The following SLC22A5 variants were observed in gnomAD, a reference collection of about 807,000 sequenced individuals.
SLC22A5 encodes solute carrier family 22 member 5, also known as organic cation/carnitine transporter 2.
In SLC22A5, 44 loss-of-function variants were observed where a neutral mutation model predicts 56.7. The observed-to-expected ratio is 0.78, with a 90% CI of 0.61 to 1.00. The LOEUF (loss-of-function observed/expected upper bound fraction) is 1.00. Among genes scored for constraint, SLC22A5 ranks in the 50% least tolerant of loss-of-function variants. The probability of loss-of-function intolerance (pLI) is 0.00; values close to 1 mark genes in which losing one functional copy is unlikely to be tolerated. For missense variants in SLC22A5, 675 were observed against 723.0 expected, an observed-to-expected ratio of 0.93 and a Z score of 0.76; for synonymous variants, 278 against 292.1, an observed-to-expected ratio of 0.95 and a Z score of 0.49.
chr5:132,390,950 T>C (rs1199482946), intron 7 of SLC22A5, 46 bp downstream of exon 7: 3 of 1,448,470 alleles, frequency 2.1e-6, no homozygotes, highest in East Asian at 4.5e-5. Flanking sequence ...ACTGAGTCTC[T>C]TACTGTCTAC....
chr5:132,388,764 TA>T, intron 5 of SLC22A5, 156 bp from the exon 6 acceptor site: 1 of 676,912 alleles, frequency 1.5e-6, no homozygotes, highest in Non-Finnish European at 2.7e-6. Context: ...TTTCACAGCC[TA>T]AAACACAGTC....
intron 1 of SLC22A5, among the ~76,000 whole-genome samples, chr5:132,372,012 G>T (rs1751953890): frequency 6.6e-6 from 1 of 152,146 alleles, no homozygotes; most frequent in Admixed American, 6.6e-5. Flanking sequence ...TTGGAAATTT[G>T]ATGTCCCCAG....
At position 132,394,244 on chromosome 5, in the gene SLC22A5, C is replaced by T. The variant is rs780575908; in HGVS notation, c.1646C>T (p.Pro549Leu). 1 of 1,612,952 alleles carries T rather than the reference C, an allele frequency of 6.2e-7. No homozygotes were observed. The highest frequency in any genetic ancestry group is 1.3e-5 in the African/African-American group (1 of 74,898). ...ATGTTAAAAGATGGTCAAGAAAGGC[C>T]CACAATCCTTAAAAGCACAGCCTTC... ...TRMLKDGQER[P>L]TILKSTAF is the part of the protein sequence containing the mutation. Residue 549 changes from proline to leucine, a missense_variant, in exon 10 of 10, where the codon CCC (proline) becomes CTC (leucine). Physicochemically the swap from Pro to Leu is moderately conservative, Grantham distance 98 (BLOSUM62 -3). Coordinates refer to ENST00000245407, the MANE Select transcript of SLC22A5 (RefSeq NM_003060.4).
In SLC22A5 at chr5:132,369,852, G is replaced by C. The variant is rs1404804159; in HGVS notation, c.-121G>C. ...TCAGCTCGCGAGCCTACCCTCCGCG[G>C]ACGGTCTTGGGTCGCCTGCTGCCTG... On this transcript the variant is annotated 5_prime_UTR_variant, in exon 1 of 10. Transcript: ENST00000245407. The C allele has an allele frequency of 7.6e-7, 1 of 1,315,146 alleles. No individual in the cohort carries two copies. Among genetic ancestry groups the C allele is most frequent in the African/African-American group, 1.5e-5 (1 of 65,744 alleles). The allele number at this position is 1,315,146 out of a possible 1,614,324, so 81.5% of individuals were successfully genotyped here.
rs769114259 is a variant in SLC22A5, at chr5:132,390,918, G to C, written c.1267+14G>C. The C allele has an allele frequency of 1.2e-6, 2 of 1,603,820 alleles. No individual in the cohort carries two copies. Among genetic ancestry groups the C allele is most frequent in the Admixed American group, 1.7e-5 (1 of 59,996 alleles). On this transcript the variant is annotated intron_variant, in intron 7 of 9. Transcript: ENST00000245407. ...TGGTACCCCCAGGTAGGGACCATGTGCATCTATGGTTTGGGGTCTTCACTG... is the reference window on the plus strand; with the variant it reads ...TGGTACCCCCAGGTAGGGACCATGTCCATCTATGGTTTGGGGTCTTCACTG...
At chr5:132,373,585 G>A (rs1010363778) in intron 1 of SLC22A5, among the ~76,000 whole-genome samples, 24 of 152,206 alleles carry the variant, frequency 1.6e-4, no homozygotes, top group Non-Finnish European at 3.2e-4. Flanking sequence ...GCAGTGAACC[G>A]AGATCGAGCC....
Position 132,387,025 on chromosome 5 carries a change from G to T in SLC22A5, c.825G>T (p.Trp275Cys), listed in dbSNP as rs386134207. 2 of 1,613,996 alleles carry T rather than the reference G, an allele frequency of 1.2e-6. No homozygotes were observed. Among genetic ancestry groups the T allele is most frequent in the African/African-American group, 2.7e-5 (2 of 74,904 alleles). ...MPGVLCVALW[W>C]FIPESPRWLI... The stretch of plus-strand genomic sequence containing the variant: ...CTGAGATTGGACCTTGTACTGCCAG[G>T]TTCATCCCTGAGTCCCCCCGATGGC... Residue 275 changes from tryptophan to cysteine, a missense_variant and splice_region_variant, in exon 5 of 10, where the codon TGG (tryptophan) becomes TGT (cysteine). Coordinates refer to ENST00000245407, the MANE Select transcript of SLC22A5 (RefSeq NM_003060.4).
chr5:132,372,988 T>C (rs1315315739), intron 1 of SLC22A5, among the ~76,000 whole-genome samples: 2 of 152,220 alleles, frequency 1.3e-5, no homozygotes, highest in Non-Finnish European at 2.9e-5. Flanking sequence ...GTGTCCTGTT[T>C]GGATTTTTTT....
At position 132,384,222 on chromosome 5, in the gene SLC22A5, G is replaced by T. The variant is rs765204844; in HGVS notation, c.573G>T (p.Lys191Asn). 42 of 1,614,214 alleles carry T rather than the reference G, an allele frequency of 2.6e-5. No individual in the cohort carries two copies. In the East Asian group the frequency reaches 5.6e-4, roughly 21 times the overall value. The change falls in exon 3 of 10, where the codon AAG becomes AAT. Residue 191 changes from lysine to asparagine, a missense_variant. Transcript: ENST00000245407. ...TCAGCTTCCTGCAGATCTTCTCGAA[G>T]AATTTTGAGATGTTTGTCGTGCTGT... ...TGFSFLQIFSKNFEMFVVLFV... is the reference protein window; with the variant it reads ...TGFSFLQIFSNNFEMFVVLFV...
At chr5:132,392,651 G>A (rs758375418) in intron 8 of SLC22A5, 36 bp downstream of exon 8, 33 of 1,577,616 alleles carry the variant, frequency 2.1e-5, no homozygotes, top group Middle Eastern at 1.9e-4. Flanking sequence ...CTAGAGCAAC[G>A]GGATGGAAGT....
In SLC22A5 at chr5:132,392,542, A is replaced by G. The variant is rs142264458; in HGVS notation, c.1377A>G (p.Arg459=). The G allele has an allele frequency of 1.6e-4, 265 of 1,614,140 alleles. No individual in the cohort carries two copies. The highest frequency in any genetic ancestry group is 6.6e-4 in the Middle Eastern group (4 of 6,062). The change falls in exon 8 of 10, where the codon AGA becomes AGG. Residue 459 remains arginine, a synonymous_variant. Coordinates refer to ENST00000245407, the MANE Select transcript of SLC22A5 (RefSeq NM_003060.4). Reference sequence around the variant, plus strand: ...CCGAGCTGTATCCCACAGTGGTGAGAAACATGGGTGTGGGAGTCAGCTCCA... The same window carrying G: ...CCGAGCTGTATCCCACAGTGGTGAGGAACATGGGTGTGGGAGTCAGCTCCA... ...YTAELYPTVV[R]NMGVGVSSTA... is the part of the protein sequence containing the mutation.
At chr5:132,372,992 T>G (rs1235092929) in intron 1 of SLC22A5, among the ~76,000 whole-genome samples, 2 of 152,224 alleles carry the variant, frequency 1.3e-5, no homozygotes, top group African/African-American at 4.8e-5. Context: ...CCTGTTTGGA[T>G]TTTTTTAATT....
chr5:132,384,246 G>T lies in SLC22A5; in HGVS notation c.597G>T (p.Leu199=), dbSNP rs1378471742. Residue 199 remains leucine (L), a synonymous_variant, in exon 3 of 10, where the codon CTG becomes CTT. Transcript: ENST00000245407. ...AGAATTTTGAGATGTTTGTCGTGCT[G>T]TTTGTCCTTGTAGGCATGGGCCAGA... The part of the protein sequence containing the change: ...FSKNFEMFVV[L]FVLVGMGQIS... 1 of 1,614,234 alleles carries T rather than the reference G, an allele frequency of 6.2e-7. No individual in the cohort carries two copies. Among genetic ancestry groups the T allele is most frequent in the Non-Finnish European group, 8.5e-7 (1 of 1,180,050 alleles).
intron 3 of SLC22A5, 131 bp from the exon 4 acceptor site, chr5:132,385,197 T>C: frequency 1.2e-6 from 1 of 860,992 alleles, no homozygotes. Context: ...CGCCATCCGC[T>C]CCCTAGCGCC....
chr5:132,370,015 G>T lies in SLC22A5; in HGVS notation c.43G>T (p.Gly15Trp), dbSNP rs267607052. 3.3e-5 allele frequency: 53 copies of T among 1,613,298 alleles called. No individual in the cohort carries two copies. In the South Asian group the frequency reaches 5.3e-4, roughly 16 times the overall value. The change falls in exon 1 of 10, where the codon GGG (glycine) becomes TGG (tryptophan). Residue 15 changes from glycine to tryptophan, a missense_variant. By Grantham distance (184) the Gly-to-Trp change is radical (BLOSUM62 -2). Transcript: ENST00000245407. ...DEVTAFLGEW[G>W]PFQRLIFFLL... Reference sequence around the variant, plus strand: ...GGTGACCGCCTTCCTGGGCGAGTGGGGGCCCTTCCAGCGCCTCATCTTCTT... The same window carrying T: ...GGTGACCGCCTTCCTGGGCGAGTGGTGGCCCTTCCAGCGCCTCATCTTCTT...
At chr5:132,375,853 C>T (rs180914819) in intron 1 of SLC22A5, among the ~76,000 whole-genome samples, 3 of 152,256 alleles carry the variant, frequency 2.0e-5, no homozygotes, top group East Asian at 3.9e-4. Flanking sequence ...GCATTAGACT[C>T]GTGACCCAAA....
chr5:132,388,121 G>A (rs1414954522), intron 5 of SLC22A5, among the ~76,000 whole-genome samples: 3 of 152,210 alleles, frequency 2.0e-5, no homozygotes, highest in South Asian at 2.1e-4. Flanking sequence ...GGTCCTGTGC[G>A]CAAAGGTCAG....
Position 132,389,004 on chromosome 5 carries a change from C to T in SLC22A5, c.1035C>T (p.Ile345=), listed in dbSNP as rs780982778. The T allele has an allele frequency of 4.3e-6, 7 of 1,611,770 alleles. No homozygotes were observed. The highest frequency in any genetic ancestry group is 5.9e-6 in the Non-Finnish European group (7 of 1,177,808). ...LRTWNIRMVT[I]MSIMLWMTIS... ...CCTGGAATATCCGGATGGTCACCAT[C>T]ATGTCCATAATGCTGTGGTATGTAA... is the stretch of plus-strand genomic sequence containing the variant. Residue 345 remains isoleucine (I), a synonymous_variant, in exon 6 of 10, where the codon ATC becomes ATT. Coordinates refer to ENST00000245407, the MANE Select transcript of SLC22A5 (RefSeq NM_003060.4).
chr5:132,384,401 C>A, intron 3 of SLC22A5, 100 bp downstream of exon 3: 1 of 1,273,132 alleles, frequency 7.9e-7, no homozygotes, highest in Non-Finnish European at 1.1e-6. Flanking sequence ...TCAAGGGGGA[C>A]AGGGTTTCTA....
Sources: gnomAD v4.1 joint callset for allele counts (sites outside exome capture counted in the v4.1 genomes callset) on GRCh38, gnomAD v4.1.1 for gene constraint, MANE v1.5 for transcripts, NCBI Gene and HGNC (gene_info 2026-07-23, HGNC 2026-07-21) for gene names.